HEXA: variants seen among roughly 807,000 people sequenced by gnomAD.
HEXA encodes the protein hexosaminidase subunit alpha, also known as beta-hexosaminidase subunit alpha.
HEXA carries 54 observed loss-of-function variants against 73.3 expected under a neutral mutation model. The ratio of observed to expected loss-of-function variants is 0.74; its 90% CI spans 0.59 to 0.92. HEXA has a LOEUF of 0.92. HEXA is among the 40% of genes least tolerant of loss of function. The probability of loss-of-function intolerance (pLI) is 0.00; values close to 1 mark genes in which losing one functional copy is unlikely to be tolerated. For synonymous variants in HEXA, 230 were observed against 246.9 expected (o/e 0.93, Z 0.64); for missense variants, 649 against 653.0 (o/e 0.99, Z 0.07).
chr15:72,343,745 G>C lies in HEXA; in HGVS notation c.*332C>G, dbSNP rs1028855564. On this transcript the variant is annotated 3_prime_UTR_variant, in exon 14 of 14. Coordinates refer to ENST00000268097, the MANE Select transcript of HEXA (RefSeq NM_000520.6). ...GGGGAGTGACATAGCTCACAGGCAA[G>C]GCAGAACAGCACAAAGGCTATAGGT... is the stretch of plus-strand genomic sequence containing the variant. 10 of 358,926 alleles carry C rather than the reference G, an allele frequency of 2.8e-5. No individual in the cohort carries two copies. Among genetic ancestry groups the C allele is most frequent in the Non-Finnish European group, 5.4e-5 (10 of 184,222 alleles). The allele number at this position is 358,926 out of a possible 1,614,324, so 22.2% of individuals were successfully genotyped here.
rs886885437 is a variant in HEXA, at chr15:72,346,386, A to T, written c.1331-61T>A. 34 of 1,522,210 alleles carry T rather than the reference A, an allele frequency of 2.2e-5. No individual in the cohort carries two copies. The African/African-American group carries it at 4.1e-4, about 18-fold the overall frequency. The allele number at this position is 1,522,210 out of a possible 1,614,324, so 94.3% of individuals were successfully genotyped here. On this transcript the variant is annotated intron_variant, in intron 11 of 13. Coordinates refer to ENST00000268097, the MANE Select transcript of HEXA (RefSeq NM_000520.6). Reference sequence around the variant, plus strand: ...TGGGGTAACTCCAGGGTCCCTCTCAACCACCTTCCCAATGTGGCCCTCACC... The same window carrying T: ...TGGGGTAACTCCAGGGTCCCTCTCATCCACCTTCCCAATGTGGCCCTCACC...
intron 8 of HEXA, among the ~76,000 whole-genome samples, chr15:72,348,456 C>T (rs550830250): frequency 5.3e-5 from 8 of 152,348 alleles, no homozygotes; most frequent in African/African-American, 1.4e-4. Flanking sequence ...CACTGGATTT[C>T]GGCTTTCCTA....
intron 11 of HEXA, 86 bp downstream of exon 11, chr15:72,346,441 A>G: frequency 1.3e-6 from 2 of 1,529,408 alleles, no homozygotes; most frequent in African/African-American, 1.4e-5. Context: ...TACTAACTGG[A>G]AATGTCTGGC....
rs2140318506 is a variant in HEXA, at chr15:72,344,092, C to A, written c.1575G>T (p.Glu525Asp). 1 of 1,613,894 alleles carries A rather than the reference C, an allele frequency of 6.2e-7. No individual in the cohort carries two copies. The highest frequency in any genetic ancestry group is 2.2e-5 in the East Asian group (1 of 44,866). The change falls in exon 14 of 14, where the codon GAG (glutamate) becomes GAT (aspartate). Residue 525 changes from glutamate (E) to aspartate (D), a missense_variant. Physicochemically the swap from Glu to Asp is conservative, Grantham distance 45. Transcript: ENST00000268097. ...TGCCTGGGGCTCAGGTCTGTTCAAA[C>A]TCCTGCTCACAGAAGCCTACATTGA... Reference protein sequence around the residue: ...QPLNVGFCEQEFEQT With the variant: ...QPLNVGFCEQDFEQT
At chr15:72,352,405 C>T (rs1396705551) in intron 5 of HEXA, among the ~76,000 whole-genome samples, 1 of 146,244 alleles carries the variant, frequency 6.8e-6, no homozygotes, top group Non-Finnish European at 1.5e-5. Flanking sequence ...AGTTCAAGAC[C>T]AGCCTGGGTA....
intron 1 of HEXA, among the ~76,000 whole-genome samples, chr15:72,364,178 G>C (rs930187568): frequency 8.5e-5 from 13 of 152,084 alleles, no homozygotes; most frequent in African/African-American, 3.1e-4. Flanking sequence ...GCTGCGGCAG[G>C]AGAATCACTT....
chr15:72,349,136 G>A lies in HEXA; in HGVS notation c.929C>T (p.Ser310Phe). Reference protein sequence around the residue: ...FMSTFFLEVSSVFPDFYLHLG... With the variant: ...FMSTFFLEVSFVFPDFYLHLG... ...ATGAAGATAAAAATCTGGGAAGACA[G>A]AGCTGACTTCTAAGAAGAATGTGCT... Residue 310 changes from serine to phenylalanine, a missense_variant, in exon 8 of 14, where the codon TCT becomes TTT. Ser to Phe is a radical substitution (Grantham distance 155, BLOSUM62 -2). Transcript: ENST00000268097. The A allele has an allele frequency of 1.2e-6, 2 of 1,614,056 alleles. No homozygotes were observed. Among genetic ancestry groups the A allele is most frequent in the African/African-American group, 1.3e-5 (1 of 75,034 alleles).
intron 1 of HEXA, chr15:72,369,935 T>C (rs2088966733): frequency 2.0e-5 from 3 of 152,094 alleles, no homozygotes; most frequent in Admixed American, 2.0e-4. Flanking sequence ...TAGAAGGAAA[T>C]GGAAGGAAAG....
chr15:72,353,208 T>C, intron 4 of HEXA, 30 bp from the exon 5 acceptor site: 4 of 1,357,706 alleles, frequency 2.9e-6, no homozygotes, highest in Non-Finnish European at 4.2e-6. Flanking sequence ...AACATGTCAG[T>C]TTCAAAGGAA....
At chr15:72,366,543 T>G (rs922705396) in intron 1 of HEXA, among the ~76,000 whole-genome samples, 2 of 152,150 alleles carry the variant, frequency 1.3e-5, no homozygotes. Context: ...ACTCCTGACC[T>G]CAAGTGATCC....
chr15:72,369,360 C>T (rs1330934275), intron 1 of HEXA, among the ~76,000 whole-genome samples: 1 of 152,242 alleles, frequency 6.6e-6, no homozygotes, highest in African/African-American at 2.4e-5. Context: ...ACAGACCCAA[C>T]CTCCTTTCTT....
chr15:72,369,077 G>A (rs2088953947), intron 1 of HEXA, among the ~76,000 whole-genome samples: 1 of 152,190 alleles, frequency 6.6e-6, no homozygotes, highest in Non-Finnish European at 1.5e-5. Context: ...GCCTCAAGAT[G>A]TGGACACAAC....
chr15:72,358,099 CA>C (rs2088808626), intron 1 of HEXA: 1 of 152,250 alleles, frequency 6.6e-6, no homozygotes, highest in African/African-American at 2.4e-5. Flanking sequence ...GCTACAAACC[CA>C]TCTCCACAGG....
chr15:72,365,301 A>G (rs1434525408), intron 1 of HEXA, among the ~76,000 whole-genome samples: 3 of 152,098 alleles, frequency 2.0e-5, no homozygotes, highest in Non-Finnish European at 2.9e-5. Context: ...ATGTTTCACC[A>G]TGTTAGCCAG....
chr15:72,374,108 CCTCT>C (rs2089027519), intron 1 of HEXA, among the ~76,000 whole-genome samples: 1 of 14,492 alleles, frequency 6.9e-5, no homozygotes, highest in African/African-American at 7.4e-5. Flanking sequence ...TGTGTACCTC[CCTCT>C]GTTTCATATT....
chr15:72,347,980 G>A (rs966880663), intron 9 of HEXA, 68 bp downstream of exon 9: 151 of 1,138,890 alleles, frequency 1.3e-4, no homozygotes, highest in Non-Finnish European at 1.8e-4. Context: ...GGCCTGACTC[G>A]GTATGGAAAG....
chr15:72,348,109 A>C lies in HEXA; in HGVS notation c.1012T>G (p.Phe338Val). The C allele has an allele frequency of 6.2e-7, 1 of 1,613,340 alleles. No homozygotes were observed. The change falls in exon 9 of 14, where the codon TTT becomes GTT. Residue 338 changes from phenylalanine (F) to valine (V), a missense_variant. By Grantham distance (50) the Phe-to-Val change is conservative. Transcript: ENST00000268097. ...TCACCGAAGCCTTTCTTCCTCATAAAGTCCTGGATCTCTGGGTTGGACTTC... is the reference window on the plus strand; with the variant it reads ...TCACCGAAGCCTTTCTTCCTCATAACGTCCTGGATCTCTGGGTTGGACTTC... The part of the protein sequence containing the change: ...CWKSNPEIQD[F>V]MRKKGFGEDF...
chr15:72,351,265 TCA>T (rs932977864), intron 5 of HEXA, 31 bp from the exon 6 acceptor site: 1 of 1,402,218 alleles, frequency 7.1e-7, no homozygotes, highest in Admixed American at 1.7e-5. Context: ...TGTGAACCCA[TCA>T]CAGTCTCTCC....
chr15:72,373,938 GC>G (rs1056875602), intron 1 of HEXA, among the ~76,000 whole-genome samples: 1 of 151,080 alleles, frequency 6.6e-6, no homozygotes, highest in African/African-American at 2.4e-5. Flanking sequence ...GGCGGAGGCT[GC>G]AGTGAGCCAA....
Sources: allele counts gnomAD v4.1 joint callset (sites outside exome capture counted in the v4.1 genomes callset), GRCh38; gene constraint gnomAD v4.1.1; transcripts MANE v1.5; gene names NCBI Gene and HGNC (gene_info 2026-07-23, HGNC 2026-07-21).